Variants in LHFPL3 observed in about 807,000 individuals in gnomAD.
LHFPL3 encodes LHFPL tetraspan subfamily member 3.
In LHFPL3, 5 loss-of-function variants were observed where a neutral mutation model predicts 19.3. That is an observed-to-expected ratio of 0.26 (90% CI 0.14 to 0.54). The LOEUF (loss-of-function observed/expected upper bound fraction) is 0.54, where lower values mean the gene tolerates loss of function less well. Among genes scored for constraint, LHFPL3 ranks in the 20% least tolerant of loss-of-function variants. The pLI is 0.94. For missense variants in LHFPL3, 249 were observed against 307.4 expected, an observed-to-expected ratio of 0.81 and a Z score of 1.42; for synonymous variants, 133 against 126.2, an observed-to-expected ratio of 1.05 and a Z score of -0.36.
chr7:104,678,204 T>G (rs1371179540), intron 1 of LHFPL3, among the ~76,000 whole-genome samples: 1 of 152,140 alleles, frequency 6.6e-6, no homozygotes, highest in Non-Finnish European at 1.5e-5. Context: ...TTTTCTCAAT[T>G]TATATATTTG....
intron 1 of LHFPL3, among the ~76,000 whole-genome samples, chr7:104,415,598 A>G (rs991871033): frequency 6.6e-6 from 1 of 152,216 alleles, no homozygotes; most frequent in Non-Finnish European, 1.5e-5. Flanking sequence ...TCCTAATATT[A>G]CTTTCCAGTT....
intron 1 of LHFPL3, among the ~76,000 whole-genome samples, chr7:104,419,015 T>G (rs1468687081): frequency 6.6e-6 from 1 of 152,222 alleles, no homozygotes; most frequent in African/African-American, 2.4e-5. Flanking sequence ...TACCTAAGAT[T>G]ACACAGCTAG....
intron 1 of LHFPL3, among the ~76,000 whole-genome samples, chr7:104,551,342 T>C (rs1230240563): frequency 2.0e-5 from 3 of 152,326 alleles, no homozygotes; most frequent in Admixed American, 2.0e-4. Context: ...CTGTAAATCT[T>C]ACCTTGAATA....
intron 2 of LHFPL3, among the ~76,000 whole-genome samples, chr7:104,825,079 G>A (rs1790791067): frequency 6.6e-6 from 1 of 150,712 alleles, no homozygotes; most frequent in Non-Finnish European, 1.5e-5. Context: ...TGACAGGGGA[G>A]TGGGGGAGAG....
intron 2 of LHFPL3, among the ~76,000 whole-genome samples, chr7:104,769,618 A>ACCCCCCCCCCCCC (rs1220178079): frequency 6.8e-6 from 1 of 148,062 alleles, no homozygotes. Context: ...AGCCCCCCCA[A>ACCCCCCCCCCCCC]CCCCCGACAG....
At chr7:104,673,807 T>C (rs1052685216) in intron 1 of LHFPL3, among the ~76,000 whole-genome samples, 5 of 152,288 alleles carry the variant, frequency 3.3e-5, no homozygotes, top group African/African-American at 7.2e-5. Context: ...AGACAGATAT[T>C]TCTGTTTTGA....
At chr7:104,712,426 A>G (rs1370544127) in intron 1 of LHFPL3, among the ~76,000 whole-genome samples, 3 of 152,212 alleles carry the variant, frequency 2.0e-5, no homozygotes, top group Non-Finnish European at 4.4e-5. Context: ...GCTTCTTCTT[A>G]CAAGGGCACT....
intron 1 of LHFPL3, among the ~76,000 whole-genome samples, chr7:104,689,065 C>T (rs1313034724): frequency 6.6e-6 from 1 of 152,054 alleles, no homozygotes; most frequent in East Asian, 1.9e-4. Flanking sequence ...CTGGGAGGGT[C>T]CAGAAGATAT....
At chr7:104,477,184 T>A (rs1234934769) in intron 1 of LHFPL3, among the ~76,000 whole-genome samples, 2 of 151,898 alleles carry the variant, frequency 1.3e-5, no homozygotes, top group African/African-American at 4.8e-5. Context: ...AGAGAGAGAG[T>A]CTCACTTTGT....
chr7:104,379,173 C>T (rs138047378), intron 1 of LHFPL3, among the ~76,000 whole-genome samples: 366 of 152,344 alleles, frequency 2.4e-3, no homozygotes, highest in South Asian at 5.0e-3. Context: ...CCAACTTCAG[C>T]CTAACCAGGT....
chr7:104,793,693 G>A (rs1357058208), intron 2 of LHFPL3, among the ~76,000 whole-genome samples: 1 of 152,172 alleles, frequency 6.6e-6, no homozygotes, highest in African/African-American at 2.4e-5. Context: ...CTTAACTCTA[G>A]TAGCCTTGTC....
At chr7:104,841,491 G>GT (rs1554350243) in intron 2 of LHFPL3, among the ~76,000 whole-genome samples, 3 of 141,844 alleles carry the variant, frequency 2.1e-5, no homozygotes, top group African/African-American at 5.4e-5. Flanking sequence ...TGCATTATGT[G>GT]GGGTGTGTGT....
chr7:104,607,323 T>C (rs1168447009), intron 1 of LHFPL3, among the ~76,000 whole-genome samples: 2 of 152,234 alleles, frequency 1.3e-5, no homozygotes, highest in Admixed American at 6.5e-5. Context: ...GTCATAATTT[T>C]GTAAATGGAG....
intron 1 of LHFPL3, among the ~76,000 whole-genome samples, chr7:104,361,194 G>A (rs78644957): frequency 0.059 from 9,055 of 152,206 alleles, 346 homozygotes; most frequent in Middle Eastern, 0.088. Flanking sequence ...GGCTTTTTGC[G>A]GAAAACGCTT....
At chr7:104,533,436 C>A (rs1234131784) in intron 1 of LHFPL3, among the ~76,000 whole-genome samples, 1 of 152,206 alleles carries the variant, frequency 6.6e-6, no homozygotes, top group Admixed American at 6.5e-5. Context: ...TAGCCACCAG[C>A]AATCTGCTAA....
intron 1 of LHFPL3, among the ~76,000 whole-genome samples, chr7:104,360,558 A>G (rs1790371790): frequency 1.3e-5 from 2 of 152,194 alleles, no homozygotes; most frequent in Admixed American, 6.5e-5. Context: ...TCTGCCTTAT[A>G]GCAGGTGAGC....
intron 2 of LHFPL3, among the ~76,000 whole-genome samples, chr7:104,900,545 G>A (rs942809549): frequency 7.9e-5 from 12 of 152,120 alleles, no homozygotes; most frequent in African/African-American, 1.9e-4. Context: ...ATCCTCCATC[G>A]TCTCCTGTGT....
chr7:104,406,441 C>G (rs189010257), intron 1 of LHFPL3, among the ~76,000 whole-genome samples: 14 of 151,548 alleles, frequency 9.2e-5, no homozygotes, highest in African/African-American at 3.4e-4. Flanking sequence ...CACTATGTGC[C>G]AGGAAATTAA....
At chr7:104,754,255 A>C (rs905898804) in intron 2 of LHFPL3, among the ~76,000 whole-genome samples, 1 of 152,242 alleles carries the variant, frequency 6.6e-6, no homozygotes, top group African/African-American at 2.4e-5. Flanking sequence ...AAAATAAGAA[A>C]TAATTATCAC....
Sources: allele counts gnomAD v4.1 joint callset (sites outside exome capture counted in the v4.1 genomes callset), GRCh38; gene constraint gnomAD v4.1.1; transcripts MANE v1.5; gene names NCBI Gene and HGNC (gene_info 2026-07-23, HGNC 2026-07-21).